Variants in ADGRL3 observed in about 807,000 individuals in gnomAD.
ADGRL3 encodes the protein calcium-independent alpha-latrotoxin receptor 3.
Under a neutral mutation model 153.5 loss-of-function variants are expected in ADGRL3, and 62 were observed. That is an observed-to-expected ratio of 0.40 (90% confidence interval 0.33 to 0.50). The LOEUF (loss-of-function observed/expected upper bound fraction) is 0.50. ADGRL3 is among the 20% of genes least tolerant of loss of function. The pLI is 0.47. For synonymous variants in ADGRL3, 710 were observed against 672.5 expected (o/e 1.06, Z -0.86); for missense variants, 1,641 against 1,859.4 (o/e 0.88, Z 2.16).
At chr4:61,763,190 CT>C (rs771693851) in intron 8 of ADGRL3, among the ~76,000 whole-genome samples, 220 of 137,184 alleles carry the variant, frequency 1.6e-3, no homozygotes, top group Middle Eastern at 3.9e-3. Context: ...AGTAACATTT[CT>C]TTTTTTTTTT....
intron 17 of ADGRL3, among the ~76,000 whole-genome samples, chr4:61,970,307 A>G (rs1434638021): frequency 6.6e-6 from 1 of 152,150 alleles, no homozygotes; most frequent in African/African-American, 2.4e-5. Context: ...AAAATTTTCT[A>G]TCTGCCTAGC....
chr4:61,304,255 T>A (rs1560450903), intron 1 of ADGRL3, among the ~76,000 whole-genome samples: 1 of 152,228 alleles, frequency 6.6e-6, no homozygotes, highest in African/African-American at 2.4e-5. Flanking sequence ...TGTAGTGAAA[T>A]GCATTTGATT....
chr4:61,756,145 G>A (rs1171393297), intron 8 of ADGRL3, among the ~76,000 whole-genome samples: 2 of 152,122 alleles, frequency 1.3e-5, no homozygotes, highest in African/African-American at 2.4e-5. Flanking sequence ...GTTTTTTCCA[G>A]TTCTGTGGAG....
intron 5 of ADGRL3, among the ~76,000 whole-genome samples, chr4:61,620,786 A>G (rs2092450944): frequency 6.6e-6 from 1 of 151,148 alleles, no homozygotes; most frequent in Non-Finnish European, 1.5e-5. Flanking sequence ...GACTACAGGC[A>G]CTCGCCACCA....
chr4:61,582,070 A>G (rs1283100860), intron 4 of ADGRL3, among the ~76,000 whole-genome samples: 2 of 152,106 alleles, frequency 1.3e-5, no homozygotes, highest in Non-Finnish European at 2.9e-5. Flanking sequence ...TATAAATATA[A>G]GCCATTTTGC....
intron 9 of ADGRL3, among the ~76,000 whole-genome samples, chr4:61,814,673 G>A (rs1293101155): frequency 1.3e-5 from 2 of 152,140 alleles, no homozygotes; most frequent in Non-Finnish European, 2.9e-5. Flanking sequence ...CATGAGGTCT[G>A]ACGTTTCTGA....
At chr4:61,642,234 G>A (rs1225036341) in intron 5 of ADGRL3, among the ~76,000 whole-genome samples, 2 of 151,782 alleles carry the variant, frequency 1.3e-5, no homozygotes, top group Admixed American at 6.6e-5. Flanking sequence ...CCATTTTGTA[G>A]GTTGCCTGTT....
chr4:61,926,390 C>T (rs548419379), intron 13 of ADGRL3, among the ~76,000 whole-genome samples: 1 of 152,328 alleles, frequency 6.6e-6, no homozygotes, highest in South Asian at 2.1e-4. Flanking sequence ...TGAGTGCTAT[C>T]TCCTTGACTA....
At chr4:61,677,228 T>G (rs2095225079) in intron 6 of ADGRL3, 1 of 328,412 alleles carries the variant, frequency 3.0e-6, no homozygotes, top group South Asian at 3.0e-5. Flanking sequence ...TGGGGGAGTG[T>G]TATACCAATT....
chr4:61,519,397 G>A (rs1164121755), intron 4 of ADGRL3, among the ~76,000 whole-genome samples: 1 of 152,142 alleles, frequency 6.6e-6, no homozygotes, highest in Non-Finnish European at 1.5e-5. Context: ...GACAGTACAA[G>A]CCAATTTTAT....
At chr4:61,991,938 A>G (rs1278573984) in intron 19 of ADGRL3, among the ~76,000 whole-genome samples, 4 of 148,374 alleles carry the variant, frequency 2.7e-5, no homozygotes, top group Non-Finnish European at 4.5e-5. Flanking sequence ...ATTACATGAT[A>G]TATATAATAT....
At chr4:61,610,529 T>G (rs2091186535) in intron 5 of ADGRL3, among the ~76,000 whole-genome samples, 1 of 152,202 alleles carries the variant, frequency 6.6e-6, no homozygotes. Flanking sequence ...GTAAATGATG[T>G]GTCAGATTAA....
intron 4 of ADGRL3, among the ~76,000 whole-genome samples, chr4:61,569,455 T>C (rs2149105075): frequency 6.6e-6 from 1 of 152,226 alleles, no homozygotes; most frequent in South Asian, 2.1e-4. Context: ...CCAAACCTGC[T>C]GGGTGTGGTG....
intron 1 of ADGRL3, among the ~76,000 whole-genome samples, chr4:61,371,720 C>T (rs1234017038): frequency 6.6e-6 from 1 of 152,078 alleles, no homozygotes; most frequent in Non-Finnish European, 1.5e-5. Context: ...TGGAGTTGCT[C>T]TTCTCGAGGA....
chr4:61,923,372 A>G (rs1414085499), intron 13 of ADGRL3, among the ~76,000 whole-genome samples: 1 of 152,182 alleles, frequency 6.6e-6, no homozygotes, highest in Non-Finnish European at 1.5e-5. Flanking sequence ...TGTCTGAGTA[A>G]TGTTTTAAAA....
intron 4 of ADGRL3, among the ~76,000 whole-genome samples, chr4:61,530,838 A>G (rs2098608266): frequency 6.6e-6 from 1 of 152,192 alleles, no homozygotes; most frequent in African/African-American, 2.4e-5. Context: ...ATTAGTATAA[A>G]TGTAGATGGC....
intron 19 of ADGRL3, among the ~76,000 whole-genome samples, chr4:61,990,657 A>C (rs1392268020): frequency 6.6e-6 from 1 of 151,884 alleles, no homozygotes; most frequent in Non-Finnish European, 1.5e-5. Context: ...TTGACTTGAG[A>C]CCTGTTTCAG....
chr4:61,454,450 A>G (rs1420188781), intron 2 of ADGRL3, among the ~76,000 whole-genome samples: 1 of 152,184 alleles, frequency 6.6e-6, no homozygotes. Context: ...AAACAAAACA[A>G]TGTGAATGTA....
intron 1 of ADGRL3, among the ~76,000 whole-genome samples, chr4:61,303,735 C>T (rs79148277): frequency 1.4e-4 from 21 of 152,204 alleles, no homozygotes; most frequent in East Asian, 3.9e-4. Context: ...AATGTTTCTG[C>T]GTTCTCAAAC....
Sources: allele counts gnomAD v4.1 joint callset (sites outside exome capture counted in the v4.1 genomes callset), GRCh38; gene constraint gnomAD v4.1.1; transcripts MANE v1.5; gene names NCBI Gene and HGNC (gene_info 2026-07-23, HGNC 2026-07-21).